AUTS2: variants seen among roughly 807,000 people sequenced by gnomAD.
AUTS2 encodes the protein activator of transcription and developmental regulator AUTS2.
A neutral mutation model predicts 112.4 loss-of-function variants in AUTS2; 17 were observed. The ratio of observed to expected loss-of-function variants is 0.15; its 90% CI spans 0.10 to 0.23. AUTS2 has a LOEUF of 0.23. Ranked by LOEUF, AUTS2 falls within the 10% of genes least tolerant of loss-of-function variation. The pLI is 1.00. For synonymous variants in AUTS2, 751 were observed against 702.7 expected (o/e 1.07, Z -1.09); for missense variants, 1,510 against 1,701.6 (o/e 0.89, Z 1.98).
At chr7:70,256,247 A>G (rs149479535) in intron 4 of AUTS2, among the ~76,000 whole-genome samples, 2 of 152,280 alleles carry the variant, frequency 1.3e-5, no homozygotes, top group East Asian at 3.9e-4. Context: ...TGAAGAGAGT[A>G]TTGTGTATTT....
At chr7:70,083,694 C>T (rs139394845) in intron 2 of AUTS2, among the ~76,000 whole-genome samples, 18 of 152,226 alleles carry the variant, frequency 1.2e-4, no homozygotes, top group African/African-American at 4.1e-4. Context: ...CACCTGTAAT[C>T]CCAGCATTTT....
intron 1 of AUTS2, among the ~76,000 whole-genome samples, chr7:69,733,546 T>C (rs1786893715): frequency 6.6e-6 from 1 of 152,150 alleles, no homozygotes; most frequent in South Asian, 2.1e-4. Flanking sequence ...TACGTTGGCA[T>C]CATTTAAGTA....
At chr7:69,622,016 A>G (rs1037048013) in intron 1 of AUTS2, among the ~76,000 whole-genome samples, 1 of 152,110 alleles carries the variant, frequency 6.6e-6, no homozygotes, top group African/African-American at 2.4e-5. Flanking sequence ...TTCTTTCGCT[A>G]TTGTTTGGCA....
chr7:70,681,874 T>C (rs1808229881), intron 5 of AUTS2, among the ~76,000 whole-genome samples: 1 of 152,226 alleles, frequency 6.6e-6, no homozygotes, highest in South Asian at 2.1e-4. Flanking sequence ...CCATGTTTTG[T>C]GTGAATTTAC....
intron 1 of AUTS2, among the ~76,000 whole-genome samples, chr7:69,619,859 A>G (rs1793576732): frequency 6.6e-6 from 1 of 152,084 alleles, no homozygotes; most frequent in Non-Finnish European, 1.5e-5. Context: ...CTGGTGTCGC[A>G]TTGTTTTTTG....
intron 2 of AUTS2, among the ~76,000 whole-genome samples, chr7:69,958,252 T>C (rs1296600855): frequency 6.6e-6 from 1 of 152,146 alleles, no homozygotes; most frequent in African/African-American, 2.4e-5. Context: ...GTATCTTCTG[T>C]GGCTGCTTCT....
rs538732987 is a variant in AUTS2, at chr7:70,681,733, G to A, written c.691-16836G>A. 8.5e-5 allele frequency among the ~76,000 whole-genome samples: 13 copies of A among 152,206 alleles called. No individual in the cohort carries two copies. The South Asian group carries it at 2.7e-3, about 32-fold the overall frequency. On this transcript the variant is annotated intron_variant, in intron 5 of 18. Coordinates refer to ENST00000342771, the MANE Select transcript of AUTS2 (RefSeq NM_015570.4). ...TGAAAGCAAATCAACAGACCTGCTG[G>A]TATTTAAATTTTAGTGTATTCCAGT... is the stretch of plus-strand genomic sequence containing the variant.
intron 1 of AUTS2, among the ~76,000 whole-genome samples, chr7:69,726,892 G>A (rs1057016329): frequency 6.6e-6 from 1 of 151,928 alleles, no homozygotes; most frequent in Non-Finnish European, 1.5e-5. Flanking sequence ...GATTTATAGG[G>A]CTCTTTATAT....
At chr7:69,627,214 C>T (rs896976236) in intron 1 of AUTS2, among the ~76,000 whole-genome samples, 6 of 152,120 alleles carry the variant, frequency 3.9e-5, no homozygotes, top group African/African-American at 1.4e-4. Flanking sequence ...TTTAGGCGGC[C>T]AGGCACAGTG....
chr7:70,486,248 G>A (rs1003414507), intron 5 of AUTS2, among the ~76,000 whole-genome samples: 1 of 152,202 alleles, frequency 6.6e-6, no homozygotes, highest in African/African-American at 2.4e-5. Context: ...AAGCTTGCTA[G>A]TCAGGCTGCT....
At chr7:70,054,852 C>T (rs1029588512) in intron 2 of AUTS2, among the ~76,000 whole-genome samples, 9 of 152,130 alleles carry the variant, frequency 5.9e-5, no homozygotes, top group African/African-American at 2.2e-4. Flanking sequence ...AATCTAACTC[C>T]TCTCCAGTCT....
At chr7:70,496,610 T>A (rs1166955545) in intron 5 of AUTS2, among the ~76,000 whole-genome samples, 11 of 66,374 alleles carry the variant, frequency 1.7e-4, no homozygotes, top group South Asian at 5.1e-4. Context: ...CACACCCCAC[T>A]CACACCACGT....
chr7:70,757,218 T>A (rs1789268121), intron 6 of AUTS2, among the ~76,000 whole-genome samples: 1 of 152,298 alleles, frequency 6.6e-6, no homozygotes, highest in Admixed American at 6.5e-5. Context: ...CATTCCCAGG[T>A]GTTATGGTTT....
In AUTS2 at chr7:69,834,473, A is replaced by G. The variant is rs564762724; in HGVS notation, c.310-64813A>G. 2.0e-5 allele frequency among the ~76,000 whole-genome samples: 3 copies of G among 152,270 alleles called. No individual in the cohort carries two copies. In the South Asian group the frequency reaches 6.2e-4, roughly 32 times the overall value. On this transcript the variant is annotated intron_variant, in intron 1 of 18. Transcript: ENST00000342771. ...GGTTTAGGAAAGAGCTGGCTCCCTCATTGCTAAACAGAATTAATGTTGTTC... is the reference window on the plus strand; with the variant it reads ...GGTTTAGGAAAGAGCTGGCTCCCTCGTTGCTAAACAGAATTAATGTTGTTC...
chr7:69,834,757 C>A (rs1442915835), intron 1 of AUTS2, among the ~76,000 whole-genome samples: 1 of 152,176 alleles, frequency 6.6e-6, no homozygotes, highest in Non-Finnish European at 1.5e-5. Flanking sequence ...ACTGCTGGGG[C>A]TCCTAAAAGG....
At chr7:70,425,833 A>T (rs76061952) in intron 4 of AUTS2, among the ~76,000 whole-genome samples, 3,298 of 152,350 alleles carry the variant, frequency 0.022, 88 homozygotes, top group African/African-American at 0.064. Context: ...ATTCAGTCTT[A>T]CTGAAGATGA....
intron 4 of AUTS2, among the ~76,000 whole-genome samples, chr7:70,150,785 C>G (rs1807389589): frequency 6.6e-6 from 1 of 152,064 alleles, no homozygotes; most frequent in Non-Finnish European, 1.5e-5. Flanking sequence ...AAATTAATCC[C>G]TAATATGCCA....
At chr7:70,024,703 G>C (rs200290910) in intron 2 of AUTS2, among the ~76,000 whole-genome samples, 1 of 152,072 alleles carries the variant, frequency 6.6e-6, no homozygotes, top group African/African-American at 2.4e-5. Flanking sequence ...ATTGTGGGGG[G>C]CTGGCGAGTC....
At chr7:70,451,772 GT>G (rs1189129820) in intron 5 of AUTS2, among the ~76,000 whole-genome samples, 2 of 152,162 alleles carry the variant, frequency 1.3e-5, no homozygotes. Context: ...TTATACCACA[GT>G]ATCCTTAGTG....
Sources: allele counts gnomAD v4.1 joint callset (sites outside exome capture counted in the v4.1 genomes callset), GRCh38; gene constraint gnomAD v4.1.1; transcripts MANE v1.5; gene names NCBI Gene and HGNC (gene_info 2026-07-23, HGNC 2026-07-21).